The following CISD1 variants were observed in gnomAD, a reference collection of about 807,000 sequenced individuals.
The protein encoded by CISD1 is CDGSH iron-sulfur domain-containing protein 1.
A neutral mutation model predicts 12.0 loss-of-function variants in CISD1; 8 were observed. The ratio of observed to expected loss-of-function variants is 0.67; its 90% CI spans 0.39 to 1.20. The LOEUF is 1.20. Among genes scored for constraint, CISD1 ranks in the 50% most tolerant of loss-of-function variants. The pLI, the probability that CISD1 is intolerant of heterozygous loss-of-function variation, is 0.01. For synonymous variants in CISD1, 38 were observed against 42.2 expected (o/e 0.90, Z 0.39); for missense variants, 107 against 132.7 (o/e 0.81, Z 0.95).
intron 1 of CISD1, chr10:58,276,096 C>G (rs1416507737): frequency 6.6e-6 from 1 of 152,086 alleles, no homozygotes; most frequent in African/African-American, 2.4e-5. Context: ...TATCCTGACC[C>G]CTGTTCAACT....
chr10:58,281,182 C>T (rs779882294), intron 2 of CISD1, among the ~76,000 whole-genome samples: 1 of 152,170 alleles, frequency 6.6e-6, no homozygotes, highest in African/African-American at 2.4e-5. Context: ...CCAGTGGACA[C>T]AAACTAGTGG....
chr10:58,276,100 T>C (rs1457508697), intron 1 of CISD1: 1 of 152,226 alleles, frequency 6.6e-6, no homozygotes, highest in Non-Finnish European at 1.5e-5. Context: ...CTGACCCCTG[T>C]TCAACTTCTT....
In CISD1 at chr10:58,287,477, T is replaced by C. The variant is rs970153901; in HGVS notation, c.238-84T>C. On this transcript the variant is annotated intron_variant, in intron 2 of 2. Transcript: ENST00000333926. The stretch of plus-strand genomic sequence containing the variant: ...TAGCCAAGAAAATCTTTATGTTATA[T>C]GAATTAAGCATCACCTTCCACTCTG... The C allele has an allele frequency of 5.7e-6, 5 of 883,444 alleles. 1 individual carries two copies. Among genetic ancestry groups the C allele is most frequent in the Admixed American group, 5.7e-5 (2 of 35,278 alleles). The allele number at this position is 883,444 out of a possible 1,614,324, so 54.7% of individuals were successfully genotyped here.
In CISD1 at chr10:58,271,401, A is replaced by G. The variant is rs1315256050; in HGVS notation, c.31+2097A>G. Reference sequence around the variant, plus strand: ...TCATGAGGACTGTAGGGAGAGGCCCAAAGCCTTTGTAAATCTCTTCTACCA... The same window carrying G: ...TCATGAGGACTGTAGGGAGAGGCCCGAAGCCTTTGTAAATCTCTTCTACCA... On this transcript the variant is annotated intron_variant, in intron 1 of 2. Coordinates refer to ENST00000333926, the MANE Select transcript of CISD1 (RefSeq NM_018464.5). Among the ~76,000 whole-genome samples, 3 of 152,194 alleles carry G rather than the reference A, an allele frequency of 2.0e-5. No homozygotes were observed. In the East Asian group the frequency reaches 5.8e-4, roughly 29 times the overall value.
At chr10:58,274,440 CTTTTT>C (rs34405014) in intron 1 of CISD1, among the ~76,000 whole-genome samples, 5 of 79,136 alleles carry the variant, frequency 6.3e-5, no homozygotes, top group South Asian at 9.9e-4. Context: ...AAAATAACAA[CTTTTT>C]TTTTTTTTTT....
chr10:58,287,577 G>T lies in CISD1; in HGVS notation c.254G>T (p.Gly85Val). 1 of 1,606,088 alleles carries T rather than the reference G, an allele frequency of 6.2e-7. No individual in the cohort carries two copies. Residue 85 changes from glycine (G) to valine (V), a missense_variant, in exon 3 of 3, where the codon GGG (glycine) becomes GTG (valine). By Grantham distance (109) the Gly-to-Val change is moderately radical. Transcript: ENST00000333926. ...TCTTCCTAGTTCCCATTCTGTGATG[G>T]GGCTCACACAAAACATAACGAAGAG... is the stretch of plus-strand genomic sequence containing the variant. ...WRSKKFPFCD[G>V]AHTKHNEETG...
At chr10:58,281,268 A>G (rs182771197) in intron 2 of CISD1, among the ~76,000 whole-genome samples, 90 of 152,326 alleles carry the variant, frequency 5.9e-4, no homozygotes, top group African/African-American at 2.1e-3. Flanking sequence ...GAGTTTCCAG[A>G]TGGTTAGGCC....
At chr10:58,280,594 G>A (rs974289648) in intron 2 of CISD1, among the ~76,000 whole-genome samples, 2 of 152,150 alleles carry the variant, frequency 1.3e-5, no homozygotes, top group Non-Finnish European at 2.9e-5. Flanking sequence ...AGACATCAGG[G>A]TTGGAGATAG....
At chr10:58,279,106 TAGTCCAC>T (rs1310090535) in intron 2 of CISD1, among the ~76,000 whole-genome samples, 1 of 152,244 alleles carries the variant, frequency 6.6e-6, no homozygotes, top group Admixed American at 6.5e-5. Flanking sequence ...TAACCACAGA[TAGTCCAC>T]ATGTGTGACT....
intron 2 of CISD1, among the ~76,000 whole-genome samples, chr10:58,282,008 C>T (rs1839378628): frequency 6.6e-6 from 1 of 151,426 alleles, no homozygotes; most frequent in Admixed American, 6.6e-5. Context: ...GTCACCCAGG[C>T]TGGAGTACAG....
chr10:58,285,740 A>C (rs949864617), intron 2 of CISD1, among the ~76,000 whole-genome samples: 37 of 152,174 alleles, frequency 2.4e-4, no homozygotes, highest in Non-Finnish European at 4.1e-4. Flanking sequence ...AAATGATTTT[A>C]TATAGCAAGA....
chr10:58,286,369 C>T (rs1051667385), intron 2 of CISD1, among the ~76,000 whole-genome samples: 2 of 151,914 alleles, frequency 1.3e-5, no homozygotes, highest in Admixed American at 1.3e-4. Context: ...GATAAAGTTA[C>T]GAATAAAGGT....
At chr10:58,280,173 G>A (rs991539180) in intron 2 of CISD1, among the ~76,000 whole-genome samples, 1 of 152,198 alleles carries the variant, frequency 6.6e-6, no homozygotes, top group African/African-American at 2.4e-5. Context: ...TTCTTGTACT[G>A]CCCTTCCCCA....
At chr10:58,278,079 A>G (rs912072310) in intron 2 of CISD1, among the ~76,000 whole-genome samples, 19 of 152,168 alleles carry the variant, frequency 1.2e-4, no homozygotes, top group African/African-American at 4.3e-4. Context: ...GGTGTCATCT[A>G]TGAAACCTGC....
chr10:58,269,485 T>G (rs1465939920), intron 1 of CISD1, among the ~76,000 whole-genome samples, 181 bp downstream of exon 1: 1 of 151,956 alleles, frequency 6.6e-6, no homozygotes, highest in Non-Finnish European at 1.5e-5. Context: ...GGGGGCGAGG[T>G]CAGGGATGGA....
intron 2 of CISD1, among the ~76,000 whole-genome samples, chr10:58,285,327 A>T (rs1197846929): frequency 2.0e-5 from 3 of 152,218 alleles, no homozygotes; most frequent in Admixed American, 1.3e-4. Context: ...TTTAACATTA[A>T]GTAGCCTTTT....
intron 1 of CISD1, among the ~76,000 whole-genome samples, chr10:58,276,525 T>C (rs1839316784): frequency 6.6e-6 from 1 of 151,956 alleles, no homozygotes; most frequent in Admixed American, 6.6e-5. Flanking sequence ...TCCTGCTACA[T>C]ATATTCCTTT....
At chr10:58,284,936 T>C (rs946975178) in intron 2 of CISD1, among the ~76,000 whole-genome samples, 5 of 152,190 alleles carry the variant, frequency 3.3e-5, no homozygotes, top group Non-Finnish European at 7.4e-5. Context: ...AATGTAAACT[T>C]TTATGCTCAC....
At position 58,277,606 on chromosome 10, in the gene CISD1, C is replaced by CT. The variant is rs61477182; in HGVS notation, c.237+297dup. Among the ~76,000 whole-genome samples, 142 of 144,418 alleles carry CT rather than the reference C, an allele frequency of 9.8e-4. 4 individuals are homozygous for CT. In the South Asian group the frequency reaches 0.017, roughly 18 times the overall value. 94.7% of individuals were successfully genotyped at this position (144,418 alleles called of 152,430 possible). A position where few individuals can be genotyped will look rare whatever the true frequency, so the allele number is the denominator to read the frequency against. ...CCTGTTATAATATCACTTTTTCTTT[C>CT]TTTTTTTTTTTTTAATGAATCCTAT... On this transcript the variant is annotated intron_variant, in intron 2 of 2. Coordinates refer to ENST00000333926, the MANE Select transcript of CISD1 (RefSeq NM_018464.5).
Sources: allele counts gnomAD v4.1 joint callset (sites outside exome capture counted in the v4.1 genomes callset), GRCh38; gene constraint gnomAD v4.1.1; transcripts MANE v1.5; gene names NCBI Gene and HGNC (gene_info 2026-07-23, HGNC 2026-07-21).